The following CDH12 variants were observed in gnomAD, a reference collection of about 807,000 sequenced individuals.
The protein encoded by CDH12 is cadherin-12.
A neutral mutation model predicts 74.1 loss-of-function variants in CDH12; 41 were observed. The observed-to-expected ratio is 0.55, with a 90% CI of 0.43 to 0.72. The LOEUF (loss-of-function observed/expected upper bound fraction) is 0.72, where lower values mean the gene tolerates loss of function less well. Ranked by LOEUF, CDH12 falls within the 30% of genes least tolerant of loss-of-function variation. The probability of loss-of-function intolerance (pLI) is 0.00; values close to 1 mark genes in which losing one functional copy is unlikely to be tolerated. For synonymous variants in CDH12, 399 were observed against 355.0 expected (o/e 1.12, Z -1.39); for missense variants, 945 against 977.2 (o/e 0.97, Z 0.44).
intron 3 of CDH12, among the ~76,000 whole-genome samples, chr5:22,245,059 G>GC (rs1315239107): frequency 2.0e-5 from 3 of 152,162 alleles, no homozygotes; most frequent in Non-Finnish European, 2.9e-5. Flanking sequence ...CACGCACGAG[G>GC]GGAGGTGCTA....
intron 1 of CDH12, among the ~76,000 whole-genome samples, chr5:22,744,025 A>T (rs1038585536): frequency 6.6e-6 from 1 of 152,148 alleles, no homozygotes; most frequent in African/African-American, 2.4e-5. Context: ...AATATTTTTA[A>T]TGTAAAACAA....
At chr5:21,844,991 T>TGAGG (rs1230408411) in intron 7 of CDH12, among the ~76,000 whole-genome samples, 22 of 116,252 alleles carry the variant, frequency 1.9e-4, no homozygotes, top group African/African-American at 6.7e-4. Flanking sequence ...CTGAGACTAC[T>TGAGG]GAGGTAGGTA....
chr5:22,674,518 G>T (rs1384502160), intron 1 of CDH12, among the ~76,000 whole-genome samples: 2 of 152,106 alleles, frequency 1.3e-5, no homozygotes, highest in African/African-American at 4.8e-5. Flanking sequence ...TAGTATACTG[G>T]CACCAGGAGT....
At chr5:22,805,567 T>C (rs192732125) in intron 1 of CDH12, among the ~76,000 whole-genome samples, 11 of 152,282 alleles carry the variant, frequency 7.2e-5, no homozygotes, top group African/African-American at 2.2e-4. Context: ...ATATTACATA[T>C]TATTATTATA....
intron 4 of CDH12, among the ~76,000 whole-genome samples, chr5:22,129,121 A>G (rs1412719348): frequency 6.6e-6 from 1 of 152,212 alleles, no homozygotes; most frequent in Non-Finnish European, 1.5e-5. Context: ...GTCATGAACA[A>G]AGTTGTATAA....
At chr5:22,591,638 A>C (rs1047885832) in intron 1 of CDH12, among the ~76,000 whole-genome samples, 2 of 152,126 alleles carry the variant, frequency 1.3e-5, no homozygotes, top group Non-Finnish European at 2.9e-5. Flanking sequence ...TCAGTATCTT[A>C]GTTTCCAGAA....
chr5:21,832,192 C>T (rs546797202), intron 8 of CDH12, among the ~76,000 whole-genome samples: 1 of 152,184 alleles, frequency 6.6e-6, no homozygotes, highest in South Asian at 2.1e-4. Context: ...CTAATGGCAC[C>T]ATGAAACAGC....
At chr5:21,761,241 T>C (rs992451774) in intron 12 of CDH12, among the ~76,000 whole-genome samples, 4 of 152,288 alleles carry the variant, frequency 2.6e-5, no homozygotes, top group African/African-American at 7.2e-5. Flanking sequence ...CTATCATTCC[T>C]GTTACAAAAT....
At chr5:22,117,404 A>G (rs1745179939) in intron 4 of CDH12, among the ~76,000 whole-genome samples, 2 of 132,600 alleles carry the variant, frequency 1.5e-5, no homozygotes, top group Admixed American at 1.7e-4. Context: ...GCACTATTCT[A>G]TTCCCTAAAA....
intron 3 of CDH12, among the ~76,000 whole-genome samples, chr5:22,396,847 T>A (rs1489620258): frequency 1.3e-5 from 2 of 152,140 alleles, no homozygotes; most frequent in Non-Finnish European, 2.9e-5. Context: ...CTTTGGGGCA[T>A]GGTTTCTCTC....
intron 4 of CDH12, among the ~76,000 whole-genome samples, chr5:22,164,335 A>G (rs139321701): frequency 0.043 from 6,548 of 152,270 alleles, 472 homozygotes; most frequent in African/African-American, 0.15. Flanking sequence ...GTTCAGCTCA[A>G]TTAGGATGAA....
chr5:22,335,034 A>C (rs528569535), intron 3 of CDH12, among the ~76,000 whole-genome samples: 217 of 152,280 alleles, frequency 1.4e-3, no homozygotes, highest in African/African-American at 4.8e-3. Flanking sequence ...ATAGAAAAGG[A>C]AAAAAATCAA....
chr5:21,931,728 T>C (rs1250333103), intron 6 of CDH12, among the ~76,000 whole-genome samples: 1 of 152,216 alleles, frequency 6.6e-6, no homozygotes, highest in Non-Finnish European at 1.5e-5. Context: ...GACTGCACTT[T>C]AGTCTACCAA....
chr5:22,343,323 CAGAGAGAGAGAGAGAG>C lies in CDH12; in HGVS notation c.-333+61918_-333+61933del, dbSNP rs377016972. Among the ~76,000 whole-genome samples the C allele has an allele frequency of 5.2e-3, 712 of 136,338 alleles. 5 individuals are homozygous for C. Among genetic ancestry groups the C allele is most frequent in the African/African-American group, 0.019 (647 of 34,496 alleles). 89.4% of individuals were successfully genotyped at this position (136,338 alleles called of 152,430 possible). On this transcript the variant is annotated intron_variant, in intron 3 of 14. Transcript: ENST00000382254. The stretch of plus-strand genomic sequence containing the variant: ...ACACACACACACACAGACACACACA[CAGAGAGAGAGAGAGAG>C]AGAGAGAGAGAGAGAGAGAGAGAGA...
At chr5:22,274,835 G>T (rs1457606813) in intron 3 of CDH12, among the ~76,000 whole-genome samples, 2 of 152,000 alleles carry the variant, frequency 1.3e-5, no homozygotes, top group African/African-American at 4.8e-5. Flanking sequence ...AAAGTTATAT[G>T]CATCTTATTT....
At chr5:21,872,826 CT>C (rs1269621357) in intron 6 of CDH12, among the ~76,000 whole-genome samples, 1 of 141,078 alleles carries the variant, frequency 7.1e-6, no homozygotes, top group African/African-American at 2.7e-5. Context: ...ATCTATCTAT[CT>C]ATCTATCATC....
At chr5:21,824,642 T>C (rs941666917) in intron 8 of CDH12, among the ~76,000 whole-genome samples, 1 of 152,188 alleles carries the variant, frequency 6.6e-6, no homozygotes, top group African/African-American at 2.4e-5. Flanking sequence ...ACGCATATCA[T>C]TCCATGAATT....
At chr5:22,347,485 A>G (rs1740167908) in intron 3 of CDH12, among the ~76,000 whole-genome samples, 1 of 152,130 alleles carries the variant, frequency 6.6e-6, no homozygotes, top group African/African-American at 2.4e-5. Flanking sequence ...AGACCGCACC[A>G]TCGGCTTCCC....
intron 5 of CDH12, among the ~76,000 whole-genome samples, chr5:22,050,271 T>A (rs60709148): frequency 0.23 from 34,822 of 151,936 alleles, 4,115 homozygotes; most frequent in South Asian, 0.32. Context: ...TCTTCCCAAC[T>A]CCCTAGACAT....
Sources: gnomAD v4.1 joint callset for allele counts (sites outside exome capture counted in the v4.1 genomes callset) on GRCh38, gnomAD v4.1.1 for gene constraint, MANE v1.5 for transcripts, NCBI Gene and HGNC (gene_info 2026-07-23, HGNC 2026-07-21) for gene names.